The following KANK1 variants were observed in gnomAD, a reference collection of about 807,000 sequenced individuals.
KANK1 encodes the protein KN motif and ankyrin repeat domains 1, also known as KN motif and ankyrin repeat domain-containing protein 1.
In KANK1, 109 loss-of-function variants were observed where a neutral mutation model predicts 106.2. That is an observed-to-expected ratio of 1.03 (90% CI 0.88 to 1.20). The LOEUF is 1.20. KANK1 is among the 50% of genes most tolerant of loss of function. KANK1 has a pLI of 0.00. For missense variants in KANK1, 2,399 were observed against 1,710.7 expected, an observed-to-expected ratio of 1.40 and a Z score of -7.10; for synonymous variants, 873 against 652.2, an observed-to-expected ratio of 1.34 and a Z score of -5.16.
chr9:597,129 A>G (rs185493294), intron 1 of KANK1, among the ~76,000 whole-genome samples: 6 of 151,916 alleles, frequency 3.9e-5, no homozygotes, highest in Admixed American at 2.6e-4. Flanking sequence ...TCATCTGTTG[A>G]TAGATTTTTG....
At chr9:626,953 T>G (rs1183124218) in intron 1 of KANK1, among the ~76,000 whole-genome samples, 1 of 152,176 alleles carries the variant, frequency 6.6e-6, no homozygotes, top group Non-Finnish European at 1.5e-5. Flanking sequence ...CTCAGTCTCT[T>G]CACATTCTAA....
chr9:678,378 C>A (rs62531175), intron 2 of KANK1, among the ~76,000 whole-genome samples: 18,112 of 152,172 alleles, frequency 0.12, 1,467 homozygotes, highest in Admixed American at 0.16. Flanking sequence ...ATTTTACTGT[C>A]ATCATCATCC....
At chr9:475,391 C>T (rs1273416218) in intron 3 of KANK1, among the ~76,000 whole-genome samples, 2 of 152,208 alleles carry the variant, frequency 1.3e-5, no homozygotes, top group Non-Finnish European at 2.9e-5. Context: ...CCTGTAAGAC[C>T]GCAAGTCAAA....
At chr9:650,770 C>G (rs1840710317) in intron 1 of KANK1, among the ~76,000 whole-genome samples, 1 of 151,950 alleles carries the variant, frequency 6.6e-6, no homozygotes, top group African/African-American at 2.4e-5. Flanking sequence ...AACAGAGGCC[C>G]AATGTTCCTG....
At chr9:528,991 G>T (rs982035277) in intron 1 of KANK1, among the ~76,000 whole-genome samples, 1 of 151,998 alleles carries the variant, frequency 6.6e-6, no homozygotes, top group Non-Finnish European at 1.5e-5. Flanking sequence ...TAGAGATAGG[G>T]TCTCACTATG....
intron 1 of KANK1, among the ~76,000 whole-genome samples, chr9:591,769 C>G (rs1213428897): frequency 2.6e-5 from 4 of 151,766 alleles, no homozygotes; most frequent in Admixed American, 6.6e-5. Context: ...AGTGATTCTC[C>G]TGCCTCAGCC....
At chr9:492,248 G>A (rs1203152652) in intron 3 of KANK1, 3 of 152,210 alleles carry the variant, frequency 2.0e-5, no homozygotes, top group African/African-American at 7.2e-5. Flanking sequence ...CTCTGTGACT[G>A]TAGGGAAATC....
chr9:562,691 C>G lies in KANK1; in HGVS notation c.-84+57937C>G, dbSNP rs181440338. 3.1e-3 allele frequency among the ~76,000 whole-genome samples: 467 copies of G among 152,240 alleles called. 2 individuals are homozygous for G. Among genetic ancestry groups the G allele is most frequent in the African/African-American group, 0.011 (454 of 41,526 alleles). On this transcript the variant is annotated intron_variant, in intron 1 of 11. Coordinates refer to ENST00000382297, the MANE Select transcript of KANK1 (RefSeq NM_015158.5). ...TGATATATTGGATAGTACTTTCTAA[C>G]CTGTAAAATGCTTTACAAATATTAG...
At chr9:664,227 C>T (rs957732070) in intron 1 of KANK1, among the ~76,000 whole-genome samples, 3 of 152,064 alleles carry the variant, frequency 2.0e-5, no homozygotes, top group South Asian at 2.1e-4. Context: ...TCCCCATCCC[C>T]ACTACCCTTC....
At chr9:665,016 A>T (rs7021494) in intron 1 of KANK1, among the ~76,000 whole-genome samples, 79,810 of 151,944 alleles carry the variant, frequency 0.53, 21,561 homozygotes, top group East Asian at 0.66. Context: ...AATCAGATTA[A>T]TGACTTTTTG....
chr9:555,174 A>G (rs2061505791), intron 1 of KANK1, among the ~76,000 whole-genome samples: 1 of 149,898 alleles, frequency 6.7e-6, no homozygotes, highest in African/African-American at 2.5e-5. Flanking sequence ...TGAGCTGGCC[A>G]GTAGCTAATC....
rs181342011 is a variant in KANK1, at chr9:498,229, C to G, written c.-362+24956C>G. On this transcript the variant is annotated intron_variant, in intron 3 of 15. Transcript: ENST00000382303. ...GGCTATTGCTATTTGCACACAATTC[C>G]AAGTATTTAGCAGATAACTAATTGC... Among the ~76,000 whole-genome samples, 24 of 152,258 alleles carry G rather than the reference C, an allele frequency of 1.6e-4. 1 individual carries two copies. Among genetic ancestry groups the G allele is most frequent in the Admixed American group, 8.5e-4 (13 of 15,296 alleles).
chr9:641,637 T>A (rs1838455224), intron 1 of KANK1, among the ~76,000 whole-genome samples: 1 of 152,200 alleles, frequency 6.6e-6, no homozygotes, highest in African/African-American at 2.4e-5. Context: ...GTGTCCTTTG[T>A]TGATGGAGGA....
chr9:600,816 T>G (rs1049679727), intron 1 of KANK1, among the ~76,000 whole-genome samples: 1 of 151,886 alleles, frequency 6.6e-6, no homozygotes, highest in African/African-American at 2.4e-5. Flanking sequence ...TTTTGCACTT[T>G]CCAAGAAAGA....
At chr9:669,653 C>T (rs769485693) in intron 1 of KANK1, among the ~76,000 whole-genome samples, 5 of 151,960 alleles carry the variant, frequency 3.3e-5, no homozygotes, top group Non-Finnish European at 7.4e-5. Flanking sequence ...CTTTTAGTAT[C>T]CTCTTTTTGT....
rs1469154879 is a variant in KANK1, at chr9:557,970, A to C, written c.-84+53216A>C. 2.0e-5 allele frequency among the ~76,000 whole-genome samples: 3 copies of C among 151,234 alleles called. No individual in the cohort carries two copies. In the East Asian group the frequency reaches 5.8e-4, roughly 29 times the overall value. On this transcript the variant is annotated intron_variant, in intron 1 of 11. Transcript: ENST00000382297. ...CAGTGAGCTATGATCGCGCCACTGC[A>C]TTCCATCCTGGGTGACAGAGCAAGA...
rs79437342 is a variant in KANK1, at chr9:671,623, A to AAAAAAAAAAAAAG, written c.-83-5263_-83-5262insAAAAAAAAGAAAA. On this transcript the variant is annotated intron_variant, in intron 1 of 11. Coordinates refer to ENST00000382297, the MANE Select transcript of KANK1 (RefSeq NM_015158.5). The stretch of plus-strand genomic sequence containing the variant: ...AGAGCGAAACTCCGTCTCAAAAAAA[A>AAAAAAAAAAAAAG]AAAAGAGTGTACTGGTTAAGTACTG... Among the ~76,000 whole-genome samples, 23 of 103,634 alleles carry AAAAAAAAAAAAAG rather than the reference A, an allele frequency of 2.2e-4. 2 individuals are homozygous for AAAAAAAAAAAAAG. The highest frequency in any genetic ancestry group is 8.4e-4 in the African/African-American group (19 of 22,488). 68.0% of individuals were successfully genotyped at this position (103,634 alleles called of 152,430 possible).
At chr9:481,906 G>T (rs982079517) in intron 3 of KANK1, among the ~76,000 whole-genome samples, 2 of 152,100 alleles carry the variant, frequency 1.3e-5, no homozygotes, top group Non-Finnish European at 2.9e-5. Flanking sequence ...GGATAGAGTT[G>T]TTAGATAGTA....
intron 1 of KANK1, among the ~76,000 whole-genome samples, chr9:669,143 G>C (rs1004053330): frequency 2.6e-5 from 4 of 152,220 alleles, no homozygotes; most frequent in African/African-American, 7.2e-5. Flanking sequence ...TACGTATTTT[G>C]ATATTGCCTA....
Sources: gnomAD v4.1 joint callset for allele counts (sites outside exome capture counted in the v4.1 genomes callset) on GRCh38, gnomAD v4.1.1 for gene constraint, MANE v1.5 for transcripts, NCBI Gene and HGNC (gene_info 2026-07-23, HGNC 2026-07-21) for gene names.